The following ANOS1 variants were observed in gnomAD, a reference collection of about 807,000 sequenced individuals.
ANOS1 encodes anosmin 1.
A neutral mutation model predicts 59.0 loss-of-function variants in ANOS1; 6 were observed. That is an observed-to-expected ratio of 0.10 (90% CI 0.06 to 0.20). The LOEUF (loss-of-function observed/expected upper bound fraction) is 0.20. Among genes scored for constraint, ANOS1 ranks in the 10% least tolerant of loss-of-function variants. The pLI, the probability that ANOS1 is intolerant of heterozygous loss-of-function variation, is 1.00. For synonymous variants in ANOS1, 217 were observed against 223.4 expected, an observed-to-expected ratio of 0.97 and a Z score of 0.25; for missense variants, 433 against 542.3, an observed-to-expected ratio of 0.80 and a Z score of 2.00.
At chrX:8,676,048 T>G (rs751824810) in intron 2 of ANOS1, among the ~76,000 whole-genome samples, 1 of 111,275 alleles carries the variant, frequency 9.0e-6, no homozygotes, top group South Asian at 3.8e-4. Context: ...TTTTCATTTT[T>G]ATGGCTGCAT....
chrX:8,692,702 T>C (rs937454113), intron 2 of ANOS1, among the ~76,000 whole-genome samples: 3 of 111,583 alleles, frequency 2.7e-5, no homozygotes, highest in Non-Finnish European at 5.6e-5. Flanking sequence ...GAGAGGAACC[T>C]GAACAAACAG....
intron 9 of ANOS1, among the ~76,000 whole-genome samples, chrX:8,544,760 A>G (rs1929739918): frequency 9.1e-6 from 1 of 110,235 alleles, no homozygotes; most frequent in Non-Finnish European, 1.9e-5. Context: ...TACAAAAAAT[A>G]TATTTTTTAA....
At chrX:8,704,938 T>C (rs893081708) in intron 1 of ANOS1, among the ~76,000 whole-genome samples, 2 of 111,566 alleles carry the variant, frequency 1.8e-5, no homozygotes, top group African/African-American at 3.3e-5. Context: ...GACTCAAAAG[T>C]ATTTAGTATT....
intron 2 of ANOS1, among the ~76,000 whole-genome samples, chrX:8,653,581 A>G (rs191618475): frequency 1.8e-4 from 20 of 111,469 alleles, no homozygotes; most frequent in African/African-American, 5.9e-4. Flanking sequence ...CTTCCTCCAG[A>G]TTTCTGCTCA....
At chrX:8,606,209 CCT>C (rs1488025777) in intron 3 of ANOS1, among the ~76,000 whole-genome samples, 1 of 111,716 alleles carries the variant, frequency 9.0e-6, no homozygotes, top group Non-Finnish European at 1.9e-5. Flanking sequence ...TCCATAGACC[CCT>C]GTTTAAAAAC....
In ANOS1 at chrX:8,531,854, A is replaced by G. The variant is rs1309117776; in HGVS notation, c.*1141T>C. ...TCTGCGTTTTAGGTTGTTACAATAT[A>G]CACTGCAACACTCTATATTGATAAC... On this transcript the variant is annotated 3_prime_UTR_variant, in exon 14 of 14. Transcript: ENST00000262648. The G allele has an allele frequency of 8.9e-6, 1 of 111,764 alleles. No homozygotes were observed. The highest frequency in any genetic ancestry group is 9.6e-5 in the Admixed American group (1 of 10,464). 9.2% of individuals were successfully genotyped at this position (111,764 alleles called of 1,213,427 possible).
intron 8 of ANOS1, among the ~76,000 whole-genome samples, chrX:8,561,348 C>T (rs1430137667): frequency 9.1e-6 from 1 of 110,180 alleles, no homozygotes; most frequent in Non-Finnish European, 1.9e-5. Context: ...CACCCAGGCT[C>T]GAGTGCAGTG....
intron 3 of ANOS1, among the ~76,000 whole-genome samples, chrX:8,617,380 C>T (rs1321130829): frequency 1.8e-5 from 2 of 112,000 alleles, no homozygotes; most frequent in Non-Finnish European, 3.8e-5. Context: ...CATGTTAACC[C>T]TTTTACTTTC....
chrX:8,659,233 A>G (rs943720741), intron 2 of ANOS1, among the ~76,000 whole-genome samples: 11 of 109,000 alleles, frequency 1.0e-4, no homozygotes, highest in African/African-American at 3.7e-4. Flanking sequence ...TCTCAATAAA[A>G]AAAAAAAAAA....
intron 2 of ANOS1, among the ~76,000 whole-genome samples, chrX:8,643,431 C>G (rs1348101326): frequency 1.8e-5 from 2 of 111,458 alleles, no homozygotes; most frequent in Non-Finnish European, 3.8e-5. Flanking sequence ...GTCCAAATTC[C>G]TATCTAAGGG....
At chrX:8,724,179 T>A (rs1164515890) in intron 1 of ANOS1, among the ~76,000 whole-genome samples, 4 of 112,424 alleles carry the variant, frequency 3.6e-5, no homozygotes, top group Non-Finnish European at 7.5e-5. Flanking sequence ...TTTTACTTAT[T>A]CTACCTACTA....
chrX:8,552,885 T>C (rs777324223), intron 9 of ANOS1, among the ~76,000 whole-genome samples: 1 of 109,463 alleles, frequency 9.1e-6, no homozygotes, highest in South Asian at 3.8e-4. Flanking sequence ...GAATAAACTT[T>C]AATTAACATT....
Position 8,533,062 on chromosome X carries a change from T to C in ANOS1, c.1985-9A>G, listed in dbSNP as rs1601943735. On this transcript the variant is annotated splice_polypyrimidine_tract_variant and intron_variant, in intron 13 of 13. Coordinates refer to ENST00000262648, the MANE Select transcript of ANOS1 (RefSeq NM_000216.4). Reference sequence around the variant, plus strand: ...ATGCTTAAGATGAGATCCTAAAAAGTGACAAAATATGTCAGTCACATCCAT... The same window carrying C: ...ATGCTTAAGATGAGATCCTAAAAAGCGACAAAATATGTCAGTCACATCCAT... The C allele has an allele frequency of 2.9e-6, 3 of 1,048,771 alleles. No homozygotes were observed. The East Asian group carries it at 9.1e-5, about 32-fold the overall frequency. 86.4% of individuals were successfully genotyped at this position (1,048,771 alleles called of 1,213,427 possible).
At chrX:8,565,788 T>C (rs1229150461) in intron 8 of ANOS1, 1 of 116,157 alleles carries the variant, frequency 8.6e-6, no homozygotes, top group African/African-American at 3.2e-5. Flanking sequence ...GGAACAGGTA[T>C]GGGCGAAAAT....
intron 3 of ANOS1, among the ~76,000 whole-genome samples, chrX:8,613,638 C>T (rs1931106576): frequency 9.2e-6 from 1 of 109,275 alleles, no homozygotes; most frequent in African/African-American, 3.3e-5. Flanking sequence ...CAAGTGAGTG[C>T]TTTTTTGTTG....
In ANOS1 at chrX:8,638,513, G is replaced by C. The variant is rs1032531493; in HGVS notation, c.256-14843C>G. ...AGAATATGATGGAGAACAAAATTAA[G>C]CCATTACAATACAGTGGGATCAAAG... On this transcript the variant is annotated intron_variant, in intron 2 of 13. Transcript: ENST00000262648. 2.7e-5 allele frequency among the ~76,000 whole-genome samples: 3 copies of C among 111,917 alleles called. No individual in the cohort carries two copies. In the East Asian group the frequency reaches 8.4e-4, roughly 31 times the overall value.
At chrX:8,558,384 G>GT (rs1223566026) in intron 8 of ANOS1, among the ~76,000 whole-genome samples, 42 of 103,597 alleles carry the variant, frequency 4.1e-4, no homozygotes, top group African/African-American at 8.8e-4. Context: ...TTAACTGTCT[G>GT]TTTTTTTTTT....
chrX:8,529,612 A>C lies in ANOS1; in HGVS notation c.*3383T>G, dbSNP rs762380651. Reference sequence around the variant, plus strand: ...TTAATCAAGTTGTTTAGTGGACATAAAAAACACAGTTTAGGCCTTTGAAGT... The same window carrying C: ...TTAATCAAGTTGTTTAGTGGACATACAAAACACAGTTTAGGCCTTTGAAGT... On this transcript the variant is annotated 3_prime_UTR_variant, in exon 14 of 14. Transcript: ENST00000262648. The C allele has an allele frequency of 8.9e-6, 1 of 112,300 alleles. No individual in the cohort carries two copies. The highest frequency in any genetic ancestry group is 3.2e-5 in the African/African-American group (1 of 30,973). 9.3% of individuals were successfully genotyped at this position (112,300 alleles called of 1,213,427 possible). A position where few individuals can be genotyped will look rare whatever the true frequency, so the allele number is the denominator to read the frequency against.
At position 8,554,216 on chromosome X, in the gene ANOS1, C is replaced by T. The variant is rs141456772; in HGVS notation, c.1208-118G>A. The T allele has an allele frequency of 9.9e-3, 5,676 of 571,705 alleles. 212 individuals carry two copies. In the African/African-American group the frequency reaches 0.11, roughly 12 times the overall value. 47.1% of individuals were successfully genotyped at this position (571,705 alleles called of 1,213,427 possible). A position where few individuals can be genotyped will look rare whatever the true frequency, so the allele number is the denominator to read the frequency against. On this transcript the variant is annotated intron_variant, in intron 8 of 13. Transcript: ENST00000262648. ...CTTCCAGCGAGAACAACACAGAAGG[C>T]GGGTGATTTCTCTATTTCCAACGGA...
Sources: gnomAD v4.1 joint callset for allele counts (sites outside exome capture counted in the v4.1 genomes callset) on GRCh38, gnomAD v4.1.1 for gene constraint, MANE v1.5 for transcripts, NCBI Gene and HGNC (gene_info 2026-07-23, HGNC 2026-07-21) for gene names.